The following CTNNA2 variants were observed in gnomAD, a reference collection of about 807,000 sequenced individuals.
The protein encoded by CTNNA2 is catenin alpha 2.
A neutral mutation model predicts 101.0 loss-of-function variants in CTNNA2; 42 were observed. The observed-to-expected ratio is 0.42, with a 90% confidence interval of 0.32 to 0.54. CTNNA2 has a LOEUF of 0.54. Among genes scored for constraint, CTNNA2 ranks in the 20% least tolerant of loss-of-function variants. CTNNA2 has a pLI of 0.14. For missense variants in CTNNA2, 871 were observed against 1,223.1 expected (o/e 0.71, Z 4.29); for synonymous variants, 450 against 456.4 (o/e 0.99, Z 0.18).
At chr2:79,605,488 G>T (rs1037680627) in intron 1 of CTNNA2, among the ~76,000 whole-genome samples, 2 of 151,090 alleles carry the variant, frequency 1.3e-5, no homozygotes, top group African/African-American at 4.8e-5. Flanking sequence ...TTCCACCGAA[G>T]AATATATTAT....
chr2:79,388,167 G>A (rs1019093046), intron 4 of CTNNA2, among the ~76,000 whole-genome samples: 7 of 152,202 alleles, frequency 4.6e-5, no homozygotes, highest in African/African-American at 1.2e-4. Flanking sequence ...CAAGACCTCA[G>A]TAGCTTAAAA....
intron 17 of CTNNA2, among the ~76,000 whole-genome samples, chr2:80,615,508 C>G (rs1308107151): frequency 6.6e-6 from 1 of 150,640 alleles, no homozygotes; most frequent in East Asian, 2.0e-4. Context: ...TTTTTCTGTC[C>G]CTTGTGTTTT....
At chr2:80,543,161 C>T (rs1345391801) in intron 9 of CTNNA2, among the ~76,000 whole-genome samples, 3 of 152,170 alleles carry the variant, frequency 2.0e-5, no homozygotes, top group Non-Finnish European at 2.9e-5. Flanking sequence ...CTGTGTCATG[C>T]ACTGAGTCAG....
Position 80,303,359 on chromosome 2 carries a change from G to A in CTNNA2, c.1057-89852G>A. ...CTTCCGCAGCCCGTGGAAGAGGTCG[G>A]GCGCGAGCGCCTGCAGCTTGTTGTA... is the stretch of plus-strand genomic sequence containing the variant. On this transcript the variant is annotated intron_variant, in intron 7 of 18. Transcript: ENST00000402739. The surrounding 1 kb of genome is among the most constrained non-coding windows in gnomAD (Gnocchi z 7.7). 1 of 1,614,088 alleles carries A rather than the reference G, an allele frequency of 6.2e-7. No individual in the cohort carries two copies. Among genetic ancestry groups the A allele is most frequent in the Non-Finnish European group, 8.5e-7 (1 of 1,180,034 alleles).
chr2:79,310,766 A>G (rs941072917), intron 2 of CTNNA2, among the ~76,000 whole-genome samples: 1 of 152,256 alleles, frequency 6.6e-6, no homozygotes, highest in Non-Finnish European at 1.5e-5. Flanking sequence ...GACTGGGGGC[A>G]GATATTCTAT....
chr2:79,378,975 T>C (rs140266336), intron 4 of CTNNA2, among the ~76,000 whole-genome samples: 1 of 152,262 alleles, frequency 6.6e-6, no homozygotes, highest in African/African-American at 2.4e-5. Flanking sequence ...AGATAGCACA[T>C]CTCTCACCTT....
intron 7 of CTNNA2, among the ~76,000 whole-genome samples, chr2:80,324,365 C>A (rs1454074384): frequency 3.3e-5 from 5 of 152,096 alleles, no homozygotes; most frequent in Non-Finnish European, 7.3e-5. Flanking sequence ...TGCTTCCATG[C>A]TGAGCTCATT....
At chr2:79,565,425 C>T (rs1013945747) in intron 1 of CTNNA2, among the ~76,000 whole-genome samples, 2 of 151,934 alleles carry the variant, frequency 1.3e-5, no homozygotes, top group African/African-American at 2.4e-5. Context: ...TCTCAGTGTG[C>T]GGTCCAGTCA....
chr2:80,142,287 C>A (rs1703062618), intron 7 of CTNNA2, among the ~76,000 whole-genome samples: 1 of 152,184 alleles, frequency 6.6e-6, no homozygotes, highest in Non-Finnish European at 1.5e-5. Flanking sequence ...AAGTTGGAGT[C>A]TTCAGCGTTA....
At chr2:80,349,491 A>G (rs1046732546) in intron 7 of CTNNA2, among the ~76,000 whole-genome samples, 2 of 152,132 alleles carry the variant, frequency 1.3e-5, no homozygotes, top group African/African-American at 4.8e-5. Context: ...GGTTCTGATT[A>G]CCATTTCCTG....
intron 1 of CTNNA2, among the ~76,000 whole-genome samples, chr2:79,522,571 A>G (rs1230067106): frequency 6.6e-6 from 1 of 152,154 alleles, no homozygotes; most frequent in East Asian, 1.9e-4. Context: ...GGATGGGAAT[A>G]AGAGTATGGA....
At chr2:80,217,365 A>G (rs775781551) in intron 7 of CTNNA2, among the ~76,000 whole-genome samples, 1 of 152,152 alleles carries the variant, frequency 6.6e-6, no homozygotes, top group African/African-American at 2.4e-5. Context: ...AGGACACCTT[A>G]GTGTGAGTGC....
intron 7 of CTNNA2, among the ~76,000 whole-genome samples, chr2:80,171,900 G>A (rs1314488414): frequency 2.0e-5 from 3 of 152,160 alleles, no homozygotes; most frequent in Non-Finnish European, 4.4e-5. Context: ...TCTGCTGTGG[G>A]GGATCCATTG....
chr2:79,420,325 G>A (rs999633647), intron 4 of CTNNA2, among the ~76,000 whole-genome samples: 2 of 152,162 alleles, frequency 1.3e-5, no homozygotes, highest in African/African-American at 4.8e-5. Context: ...GGCTAGACCT[G>A]AGATCGGTTG....
intron 4 of CTNNA2, among the ~76,000 whole-genome samples, chr2:79,472,075 C>T (rs558046613): frequency 6.6e-6 from 1 of 152,250 alleles, no homozygotes; most frequent in African/African-American, 2.4e-5. Context: ...CTAATTCATC[C>T]TAAGGTGAAA....
At chr2:79,229,423 G>A (rs536328211) in intron 2 of CTNNA2, among the ~76,000 whole-genome samples, 2 of 152,094 alleles carry the variant, frequency 1.3e-5, no homozygotes, top group African/African-American at 2.4e-5. Flanking sequence ...AGGGGTTTCC[G>A]CTTTTGTTTC....
intron 9 of CTNNA2, among the ~76,000 whole-genome samples, chr2:80,451,111 C>T (rs778574636): frequency 1.5e-4 from 23 of 152,122 alleles, no homozygotes; most frequent in Non-Finnish European, 2.8e-4. Context: ...TTTTGTGCCA[C>T]GGTGTGTAGG....
intron 7 of CTNNA2, among the ~76,000 whole-genome samples, chr2:80,276,394 T>C (rs759637919): frequency 3.2e-4 from 49 of 152,150 alleles, no homozygotes; most frequent in African/African-American, 1.2e-3. Flanking sequence ...TCTACCTCAA[T>C]AGTATGGACT....
At chr2:79,875,845 T>C (rs1324974210) in intron 6 of CTNNA2, among the ~76,000 whole-genome samples, 1 of 152,120 alleles carries the variant, frequency 6.6e-6, no homozygotes, top group East Asian at 1.9e-4. Context: ...TGAAAATTCA[T>C]AGAAAATAAT....
Sources: gnomAD v4.1 joint callset for allele counts (sites outside exome capture counted in the v4.1 genomes callset) on GRCh38, gnomAD v4.1.1 for gene constraint, Gnocchi (gnomAD v3.1) non-coding constraint, MANE v1.5 for transcripts, NCBI Gene and HGNC (gene_info 2026-07-23, HGNC 2026-07-21) for gene names.